ZNF536: variants seen among roughly 807,000 people sequenced by gnomAD.
ZNF536 encodes zinc finger protein 536.
Under a neutral mutation model 84.5 loss-of-function variants are expected in ZNF536, and 13 were observed. That is an observed-to-expected ratio of 0.15 (90% CI 0.10 to 0.24). ZNF536 has a LOEUF of 0.24. Ranked by LOEUF, ZNF536 falls within the 10% of genes least tolerant of loss-of-function variation. ZNF536 has a pLI of 1.00. For missense variants in ZNF536, 1,536 were observed against 1,747.5 expected (o/e 0.88, Z 2.16); for synonymous variants, 811 against 742.5 (o/e 1.09, Z -1.50).
intron 2 of ZNF536, among the ~76,000 whole-genome samples, chr19:30,348,799 CTTTTTTTTTCTTTTCTTTT>C (rs748027070): frequency 9.7e-4 from 112 of 115,870 alleles, no homozygotes; most frequent in Admixed American, 2.4e-3. Flanking sequence ...CATCCATTTT[CTTTTTTTTTCTTTTCTTTT>C]TTTTTTTTTA....
intron 1 of ZNF536, among the ~76,000 whole-genome samples, chr19:30,407,864 C>G (rs1210760195): frequency 2.0e-5 from 3 of 152,152 alleles, no homozygotes; most frequent in Non-Finnish European, 2.9e-5. Flanking sequence ...GGTGGAAATA[C>G]AGATGGTTTC....
intron 1 of ZNF536, among the ~76,000 whole-genome samples, chr19:30,434,796 ATGATGG>A (rs1658777970): frequency 6.6e-6 from 1 of 151,948 alleles, no homozygotes; most frequent in African/African-American, 2.4e-5. Context: ...GACGACGATG[ATGATGG>A]TGATGGTGAT....
At chr19:30,456,932 C>T (rs1217853548) in intron 2 of ZNF536, among the ~76,000 whole-genome samples, 1 of 151,084 alleles carries the variant, frequency 6.6e-6, no homozygotes, top group Non-Finnish European at 1.5e-5. Flanking sequence ...ATCCCAGCTA[C>T]TAGGGAGACT....
At chr19:30,262,194 A>C (rs1464776718) in intron 1 of ZNF536, among the ~76,000 whole-genome samples, 3 of 152,256 alleles carry the variant, frequency 2.0e-5, no homozygotes, top group African/African-American at 7.2e-5. Flanking sequence ...CTCTGTTAGC[A>C]GGAGACTCCA....
chr19:30,322,345 A>T lies in ZNF536; in HGVS notation c.-119-30023A>T, dbSNP rs142547883. Among the ~76,000 whole-genome samples, 535 of 152,174 alleles carry T rather than the reference A, an allele frequency of 3.5e-3. 8 individuals are homozygous for T. Among genetic ancestry groups the T allele is most frequent in the African/African-American group, 0.012 (510 of 41,506 alleles). ...TGATCATCTTTGTATGAAGAAGACA[A>T]TTTTTCCCCCTCATTTTGGGTGATT... On this transcript the variant is annotated intron_variant, in intron 2 of 5. Coordinates refer to the ZNF536 transcript ENST00000585628.
chr19:30,325,173 G>A (rs183809464), intron 2 of ZNF536, among the ~76,000 whole-genome samples: 29 of 152,304 alleles, frequency 1.9e-4, no homozygotes, highest in African/African-American at 2.6e-4. Context: ...GTGCACAGAC[G>A]CCCGTCTAGG....
intron 2 of ZNF536, among the ~76,000 whole-genome samples, chr19:30,487,132 A>T (rs1433676112): frequency 2.6e-5 from 4 of 152,252 alleles, no homozygotes; most frequent in Non-Finnish European, 5.9e-5. Flanking sequence ...ACCCATCAGG[A>T]GTAATGACAC....
At chr19:30,283,917 A>C (rs375559850) in intron 1 of ZNF536, among the ~76,000 whole-genome samples, 48 of 152,278 alleles carry the variant, frequency 3.2e-4, no homozygotes, top group African/African-American at 9.9e-4. Flanking sequence ...CCATTTTTTA[A>C]ATTGCTCAAA....
At chr19:30,413,293 A>G (rs2050575387) in intron 1 of ZNF536, among the ~76,000 whole-genome samples, 1 of 151,980 alleles carries the variant, frequency 6.6e-6, no homozygotes, top group Non-Finnish European at 1.5e-5. Context: ...TCCCTAGTTT[A>G]TGGAATTGAA....
intron 2 of ZNF536, among the ~76,000 whole-genome samples, chr19:30,316,879 C>T (rs934260924): frequency 1.3e-5 from 2 of 152,192 alleles, no homozygotes; most frequent in Admixed American, 6.5e-5. Context: ...CTAAGATACC[C>T]GCCCTGCCGT....
chr19:30,660,283 T>G (rs991437255), intron 1 of ZNF536, among the ~76,000 whole-genome samples: 1 of 152,192 alleles, frequency 6.6e-6, no homozygotes, highest in African/African-American at 2.4e-5. Context: ...CAAAAACGAC[T>G]GAGTGTCAGA....
At position 30,449,975 on chromosome 19, in the gene ZNF536, T is replaced by C. The variant is rs33433; in HGVS notation, c.2170+4243T>C. ...TCCCCCTCCCTGCCCCCGTTCACGA[T>C]AACCGGTGCCTGCTCCACACACAAA... is the stretch of plus-strand genomic sequence containing the variant. On this transcript the variant is annotated intron_variant, in intron 2 of 4. Coordinates refer to ENST00000355537, the MANE Select transcript of ZNF536 (RefSeq NM_014717.3). Among the ~76,000 whole-genome samples the C allele has an allele frequency of 1.8e-3, 266 of 151,622 alleles. 8 individuals carry two copies. The East Asian group carries it at 0.042, about 24-fold the overall frequency.
At chr19:30,303,627 C>T (rs996189844) in intron 2 of ZNF536, among the ~76,000 whole-genome samples, 13 of 152,168 alleles carry the variant, frequency 8.5e-5, no homozygotes, top group Admixed American at 2.6e-4. Context: ...CTCAGCCTCC[C>T]GAGCAGCTGG....
intron 2 of ZNF536, among the ~76,000 whole-genome samples, chr19:30,519,071 C>A (rs1267445387): frequency 6.6e-6 from 1 of 152,200 alleles, no homozygotes; most frequent in African/African-American, 2.4e-5. Context: ...GCAGAAGTAC[C>A]CAGGCAGAAC....
intron 2 of ZNF536, among the ~76,000 whole-genome samples, chr19:30,482,058 C>T (rs879470714): frequency 8.5e-5 from 13 of 152,116 alleles, no homozygotes; most frequent in Non-Finnish European, 1.3e-4. Context: ...TTTATACTTT[C>T]GTTGATCAGT....
chr19:30,565,592 T>G (rs2046321754), intron 1 of ZNF536, among the ~76,000 whole-genome samples: 1 of 152,254 alleles, frequency 6.6e-6, no homozygotes, highest in East Asian at 1.9e-4. Context: ...ATTTTTGTTT[T>G]TATATCATTG....
intron 1 of ZNF536, among the ~76,000 whole-genome samples, chr19:30,236,596 G>C (rs2144760116): frequency 6.6e-6 from 1 of 152,022 alleles, no homozygotes; most frequent in East Asian, 1.9e-4. Context: ...GGCAGAAGAA[G>C]TACAGACAAG....
chr19:30,298,133 C>A (rs964467868), intron 2 of ZNF536, among the ~76,000 whole-genome samples: 1 of 152,172 alleles, frequency 6.6e-6, no homozygotes, highest in Non-Finnish European at 1.5e-5. Flanking sequence ...CCGTCTTGGC[C>A]TCCCAAAGTT....
At chr19:30,465,949 AC>A (rs2053370321) in intron 2 of ZNF536, among the ~76,000 whole-genome samples, 1 of 151,906 alleles carries the variant, frequency 6.6e-6, no homozygotes, top group East Asian at 1.9e-4. Context: ...ATGGGGTTTC[AC>A]CGCATTAGCC....
Sources: gnomAD v4.1 joint callset for allele counts (sites outside exome capture counted in the v4.1 genomes callset) on GRCh38, gnomAD v4.1.1 for gene constraint, MANE v1.5 for transcripts, NCBI Gene and HGNC (gene_info 2026-07-23, HGNC 2026-07-21) for gene names.